Variants in PTGER4 observed in about 807,000 individuals in gnomAD.
The protein encoded by PTGER4 is prostaglandin E receptor 4.
A neutral mutation model predicts 33.2 loss-of-function variants in PTGER4; 11 were observed. The observed-to-expected ratio is 0.33, with a 90% CI of 0.21 to 0.55. PTGER4 has a LOEUF of 0.55. Among genes scored for constraint, PTGER4 ranks in the 20% least tolerant of loss-of-function variants. PTGER4 has a pLI of 0.92. For missense variants in PTGER4, 481 were observed against 650.2 expected (o/e 0.74, Z 2.83); for synonymous variants, 275 against 281.5 (o/e 0.98, Z 0.23).
the PTGER4 span, among the ~76,000 whole-genome samples, chr5:40,712,959 G>A: frequency 6.6e-6 from 1 of 151,448 alleles, no homozygotes; most frequent in Non-Finnish European, 1.5e-5. Flanking sequence ...ATGACTTTAG[G>A]GATAACCTCC....
At chr5:40,738,422 A>C in the PTGER4 span, among the ~76,000 whole-genome samples, 4 of 148,688 alleles carry the variant, frequency 2.7e-5, no homozygotes, top group African/African-American at 1.0e-4. Flanking sequence ...CTCAAAAATA[A>C]AATAAAATAA....
At chr5:40,682,226 T>TCCTC (rs376223650) in intron 2 of PTGER4, among the ~76,000 whole-genome samples, 6 of 151,988 alleles carry the variant, frequency 3.9e-5, no homozygotes, top group African/African-American at 1.4e-4. Flanking sequence ...CTTAGCCCAT[T>TCCTC]CCTCCGTACT....
the PTGER4 span, among the ~76,000 whole-genome samples, chr5:40,711,645 A>G: frequency 1.3e-5 from 2 of 152,148 alleles, no homozygotes; most frequent in African/African-American, 2.4e-5. Context: ...ATGTCCATCA[A>G]TAGGTGAACA....
chr5:40,698,092 C>CAAAAAAAAA (rs1156254550), downstream of PTGER4, among the ~76,000 whole-genome samples: 302 of 40,010 alleles, frequency 7.5e-3, 32 homozygotes, highest in South Asian at 8.8e-3. Context: ...CCTGTCTCTA[C>CAAAAAAAAA]AAAAAAAAAA....
chr5:40,692,608 A>C lies in PTGER4; in HGVS notation c.*230A>C. On this transcript the variant is annotated 3_prime_UTR_variant, in exon 3 of 3. Coordinates refer to ENST00000302472, the MANE Select transcript of PTGER4 (RefSeq NM_000958.3). ...CCCACTATGACAGAGGATTGTGGTC[A>C]CAACTTGATGGCTGCGAAGACCTAC... is the stretch of plus-strand genomic sequence containing the variant. 1 of 1,283,772 alleles carries C rather than the reference A, an allele frequency of 7.8e-7. No homozygotes were observed. Among genetic ancestry groups the C allele is most frequent in the Non-Finnish European group, 9.9e-7 (1 of 1,014,572 alleles). 79.5% of individuals were successfully genotyped at this position (1,283,772 alleles called of 1,614,324 possible).
downstream of PTGER4, among the ~76,000 whole-genome samples, chr5:40,698,113 A>C (rs1220394654): frequency 2.1e-5 from 3 of 145,532 alleles, no homozygotes; most frequent in African/African-American, 7.5e-5. Context: ...AAAAAAAAAA[A>C]AAAAAACCAT....
rs772499065 is a variant in PTGER4 at position 40,691,946 on chromosome 5, A to C, written c.1035A>C (p.Lys345Asn). 6.2e-7 allele frequency: 1 copy of C among 1,614,244 alleles called. No individual in the cohort carries two copies. The highest frequency in any genetic ancestry group is 8.5e-7 in the Non-Finnish European group (1 of 1,180,032). ...TCAGTAAAGCAATAGAGAAGATCAAATGCCTCTTCTGCCGCATTGGCGGGT... is the reference window on the plus strand; with the variant it reads ...TCAGTAAAGCAATAGAGAAGATCAACTGCCTCTTCTGCCGCATTGGCGGGT... ...TVLSKAIEKIKCLFCRIGGSR... is the reference protein window; with the variant it reads ...TVLSKAIEKINCLFCRIGGSR... The change falls in exon 3 of 3, where the codon AAA becomes AAC. Residue 345 changes from lysine to asparagine, a missense_variant. This residue lies in a region of PTGER4 where 172 missense variants were observed against 199.2 expected (regional missense o/e 0.86). Transcript: ENST00000302472. This position sits in a 1 kb window ranked among gnomAD's most constrained non-coding sequence, Gnocchi z 4.2.
chr5:40,684,121 CCCA>C lies in PTGER4; in HGVS notation c.867+2264_867+2266del, dbSNP rs1322761686. Among the ~76,000 whole-genome samples, 63 of 31,888 alleles carry C rather than the reference CCCA, an allele frequency of 2.0e-3. 1 individual carries two copies. Among genetic ancestry groups the C allele is most frequent in the African/African-American group, 9.2e-3 (61 of 6,662 alleles). 20.9% of individuals were successfully genotyped at this position (31,888 alleles called of 152,430 possible). A position where few individuals can be genotyped will look rare whatever the true frequency, so the allele number is the denominator to read the frequency against. On this transcript the variant is annotated intron_variant, in intron 2 of 2. Coordinates refer to ENST00000302472, the MANE Select transcript of PTGER4 (RefSeq NM_000958.3). ...AATGATGGGTTCATTATGCCACCCA[CCCA>C]CCCCCCCCCCCACAATTCAGCAATT...
downstream of PTGER4, among the ~76,000 whole-genome samples, chr5:40,697,301 A>G (rs73082486): frequency 1.1e-4 from 16 of 151,420 alleles, no homozygotes; most frequent in Non-Finnish European, 1.8e-4. Flanking sequence ...AAAGAAAAAG[A>G]AAGGCCAGGC....
chr5:40,684,614 T>A (rs999326492), intron 2 of PTGER4, among the ~76,000 whole-genome samples: 3 of 151,982 alleles, frequency 2.0e-5, no homozygotes, highest in African/African-American at 7.3e-5. Flanking sequence ...ATAAATAGAG[T>A]TAAGATTGGA....
chr5:40,734,474 G>A, the PTGER4 span, among the ~76,000 whole-genome samples: 2 of 152,160 alleles, frequency 1.3e-5, no homozygotes, highest in African/African-American at 4.8e-5. Flanking sequence ...GTAGCACAAG[G>A]AAGGAAGCAA....
chr5:40,685,484 G>A (rs1056417622), intron 2 of PTGER4: 2 of 983,096 alleles, frequency 2.0e-6, no homozygotes, highest in African/African-American at 1.7e-5. Context: ...ACAAATTTGG[G>A]TATGACTATG....
At chr5:40,711,627 CA>C in the PTGER4 span, among the ~76,000 whole-genome samples, 1 of 152,004 alleles carries the variant, frequency 6.6e-6, no homozygotes. Context: ...AAACTTGAAA[CA>C]ACCTAAATGT....
At position 40,680,963 on chromosome 5, in the gene PTGER4, A is replaced by C. The variant is rs780019799; in HGVS notation, c.-31A>C. On this transcript the variant is annotated 5_prime_UTR_variant, in exon 2 of 3. Transcript: ENST00000302472. This position sits in a 1 kb window ranked among gnomAD's most constrained non-coding sequence, Gnocchi z 5.5. ...CTACCATCCCCAGACCCAGCCTTGC[A>C]CTCCAAGGCTGCGCACCGCCAGCCA... 1.3e-6 allele frequency: 2 copies of C among 1,574,670 alleles called. No individual in the cohort carries two copies. Among genetic ancestry groups the C allele is most frequent in the Non-Finnish European group, 1.7e-6 (2 of 1,159,786 alleles).
chr5:40,702,746 T>C, the PTGER4 span, among the ~76,000 whole-genome samples: 21 of 152,332 alleles, frequency 1.4e-4, no homozygotes, highest in South Asian at 1.9e-3. Flanking sequence ...TACTCTAAAA[T>C]TGACCACATA....
At chr5:40,736,545 G>C in the PTGER4 span, among the ~76,000 whole-genome samples, 3 of 151,806 alleles carry the variant, frequency 2.0e-5, no homozygotes, top group Non-Finnish European at 2.9e-5. Context: ...CTCTTGAGAA[G>C]GTATAACCTA....
the PTGER4 span, chr5:40,716,363 C>T: frequency 6.2e-7 from 1 of 1,614,174 alleles, no homozygotes. Context: ...GTTACTTCAG[C>T]TGGTGCTTCA....
At chr5:40,697,756 G>A (rs1741648268), downstream of PTGER4, among the ~76,000 whole-genome samples, 1 of 151,720 alleles carries the variant, frequency 6.6e-6, no homozygotes, top group Non-Finnish European at 1.5e-5. Flanking sequence ...GAAAAACAAA[G>A]AGAGGTGGAA....
At chr5:40,707,313 TC>T in the PTGER4 span, among the ~76,000 whole-genome samples, 2 of 151,368 alleles carry the variant, frequency 1.3e-5, no homozygotes, top group Non-Finnish European at 1.5e-5. Flanking sequence ...ACACATAGGC[TC>T]AAAATAAAGG....
Sources: allele counts gnomAD v4.1 joint callset (sites outside exome capture counted in the v4.1 genomes callset), GRCh38; gene constraint gnomAD v4.1.1; regional missense constraint gnomAD v4.1.1; non-coding constraint Gnocchi (gnomAD v3.1); transcripts MANE v1.5; gene names NCBI Gene and HGNC (gene_info 2026-07-23, HGNC 2026-07-21).